CAPZA1: variants seen among roughly 807,000 people sequenced by gnomAD.
The protein encoded by CAPZA1 is capping actin protein of muscle Z-line subunit alpha 1, also known as F-actin-capping protein subunit alpha-1.
In CAPZA1, 10 loss-of-function variants were observed where a neutral mutation model predicts 40.8. The ratio of observed to expected loss-of-function variants is 0.25; its 90% CI spans 0.15 to 0.42. The LOEUF is 0.42. Among genes scored for constraint, CAPZA1 ranks in the 10% least tolerant of loss-of-function variants. CAPZA1 has a pLI of 1.00. For synonymous variants in CAPZA1, 98 were observed against 115.0 expected (o/e 0.85, Z 0.95); for missense variants, 277 against 353.8 (o/e 0.78, Z 1.74).
At chr1:112,623,879 G>A (rs1393945248) in intron 1 of CAPZA1, among the ~76,000 whole-genome samples, 5 of 151,146 alleles carry the variant, frequency 3.3e-5, no homozygotes, top group South Asian at 2.1e-4. Flanking sequence ...GGTGGCAGGT[G>A]CCTGTAGTCC....
chr1:112,669,381 A>C lies in CAPZA1; in HGVS notation c.658-162A>C, dbSNP rs571160557. On this transcript the variant is annotated intron_variant, in intron 8 of 9. Transcript: ENST00000263168. ...TTATGATTATAACATAGTGTCTTCCATAGAGTTGTTGTGAGAATCAAAGGA... is the reference window on the plus strand; with the variant it reads ...TTATGATTATAACATAGTGTCTTCCCTAGAGTTGTTGTGAGAATCAAAGGA... 2.6e-5 allele frequency among the ~76,000 whole-genome samples: 4 copies of C among 152,324 alleles called. No individual in the cohort carries two copies. The East Asian group carries it at 7.7e-4, about 29-fold the overall frequency.
intron 1 of CAPZA1, among the ~76,000 whole-genome samples, chr1:112,640,517 G>T (rs1376953084): frequency 5.0e-5 from 7 of 140,962 alleles, no homozygotes; most frequent in Non-Finnish European, 9.3e-5. Flanking sequence ...TCCGGGAGGT[G>T]AGGGGCGCCT....
At chr1:112,644,453 A>T (rs1057086399) in intron 1 of CAPZA1, among the ~76,000 whole-genome samples, 3 of 152,116 alleles carry the variant, frequency 2.0e-5, no homozygotes, top group African/African-American at 7.2e-5. Flanking sequence ...AGCCTCCCAA[A>T]GTGCTGGGAT....
chr1:112,663,051 G>A (rs374582847), intron 7 of CAPZA1, among the ~76,000 whole-genome samples: 70 of 151,998 alleles, frequency 4.6e-4, no homozygotes, highest in Non-Finnish European at 7.5e-4. Flanking sequence ...TGCAACGTCC[G>A]CCTCCTGGGT....
At chr1:112,646,642 T>G (rs1181316376) in intron 1 of CAPZA1, 2 of 152,202 alleles carry the variant, frequency 1.3e-5, no homozygotes, top group Non-Finnish European at 2.9e-5. Flanking sequence ...TTGTAGAATT[T>G]TGGTAGGTAG....
At chr1:112,619,969 C>A in intron 1 of CAPZA1, 86 bp downstream of exon 1, 1 of 1,122,636 alleles carries the variant, frequency 8.9e-7, no homozygotes, top group Non-Finnish European at 1.3e-6. Flanking sequence ...TAGCAGTGTC[C>A]CCAGGAAAAA....
At chr1:112,622,108 G>A (rs1570696236) in intron 1 of CAPZA1, among the ~76,000 whole-genome samples, 1 of 151,430 alleles carries the variant, frequency 6.6e-6, no homozygotes, top group East Asian at 1.9e-4. Context: ...TCCTCTTCTA[G>A]CATACTTTTT....
intron 1 of CAPZA1, among the ~76,000 whole-genome samples, chr1:112,624,996 G>T (rs900097399): frequency 5.9e-5 from 9 of 152,140 alleles, no homozygotes; most frequent in African/African-American, 1.9e-4. Context: ...AGCACACAGT[G>T]TATGCACAGC....
chr1:112,671,087 A>G lies in CAPZA1; in HGVS notation c.*955A>G, dbSNP rs752157321. 2.6e-5 allele frequency: 4 copies of G among 152,676 alleles called. No individual in the cohort carries two copies. Among genetic ancestry groups the G allele is most frequent in the Non-Finnish European group, 5.9e-5 (4 of 68,036 alleles). 9.5% of individuals were successfully genotyped at this position (152,676 alleles called of 1,614,324 possible). A position where few individuals can be genotyped will look rare whatever the true frequency, so the allele number is the denominator to read the frequency against. ...CAAAGTGAAAGGATAACTTCCAGGCAGTATCTTTCTATTGTAACCTGTTAT... is the reference window on the plus strand; with the variant it reads ...CAAAGTGAAAGGATAACTTCCAGGCGGTATCTTTCTATTGTAACCTGTTAT... On this transcript the variant is annotated 3_prime_UTR_variant, in exon 10 of 10. Transcript: ENST00000263168.
Position 112,663,882 on chromosome 1 carries a change from G to T in CAPZA1, c.586-3192G>T, listed in dbSNP as rs144736792. Among the ~76,000 whole-genome samples, 1,094 of 152,220 alleles carry T rather than the reference G, an allele frequency of 7.2e-3. 12 individuals are homozygous for T. Among genetic ancestry groups the T allele is most frequent in the African/African-American group, 0.025 (1,041 of 41,526 alleles). ...GGTAAAATTTCAGGGTTTAGAGAGGGTATGGAAAGTCTAGCTTCTCATGCC... is the reference window on the plus strand; with the variant it reads ...GGTAAAATTTCAGGGTTTAGAGAGGTTATGGAAAGTCTAGCTTCTCATGCC... On this transcript the variant is annotated intron_variant, in intron 7 of 9. Transcript: ENST00000263168.
intron 7 of CAPZA1, among the ~76,000 whole-genome samples, chr1:112,661,342 G>A (rs896998402): frequency 6.6e-5 from 10 of 152,132 alleles, no homozygotes; most frequent in Admixed American, 2.6e-4. Context: ...GCTTCCTCAA[G>A]TAGGACAACT....
chr1:112,623,916 G>T (rs536135461), intron 1 of CAPZA1, among the ~76,000 whole-genome samples: 4 of 142,792 alleles, frequency 2.8e-5, no homozygotes, highest in Middle Eastern at 7.9e-3. Flanking sequence ...TGAGGCAGGA[G>T]AATGGTGTGA....
chr1:112,641,167 C>T (rs942984433), intron 1 of CAPZA1, among the ~76,000 whole-genome samples: 27 of 151,640 alleles, frequency 1.8e-4, no homozygotes, highest in African/African-American at 5.8e-4. Context: ...CCACTATTGT[C>T]CTATGACCCT....
chr1:112,629,709 A>G (rs997747324), intron 1 of CAPZA1, among the ~76,000 whole-genome samples: 1 of 152,222 alleles, frequency 6.6e-6, no homozygotes, highest in Non-Finnish European at 1.5e-5. Context: ...TGACATACGG[A>G]ATGAAACCAG....
intron 1 of CAPZA1, chr1:112,620,117 A>T (rs1670570348): frequency 4.4e-6 from 2 of 453,318 alleles, no homozygotes; most frequent in Non-Finnish European, 4.0e-6. Flanking sequence ...GGCACAGCCC[A>T]GGGGCCTCCC....
intron 5 of CAPZA1, among the ~76,000 whole-genome samples, chr1:112,656,835 C>T (rs1346326502): frequency 1.3e-5 from 2 of 151,980 alleles, no homozygotes; most frequent in Admixed American, 1.3e-4. Context: ...ATGTTCCAAA[C>T]ATTTTTCATT....
chr1:112,640,234 AG>A (rs1671121165), intron 1 of CAPZA1, among the ~76,000 whole-genome samples: 1 of 108,172 alleles, frequency 9.2e-6, no homozygotes, highest in African/African-American at 3.6e-5. Flanking sequence ...CCGGGAGGTG[AG>A]GGGCGCCTCT....
intron 7 of CAPZA1, among the ~76,000 whole-genome samples, chr1:112,665,286 C>T (rs1019749722): frequency 6.6e-6 from 1 of 150,452 alleles, no homozygotes; most frequent in Non-Finnish European, 1.5e-5. Context: ...AAGCAATTCT[C>T]CTGCCTCAGC....
chr1:112,652,687 C>T (rs2101170567), intron 3 of CAPZA1, among the ~76,000 whole-genome samples: 1 of 150,392 alleles, frequency 6.6e-6, no homozygotes, highest in East Asian at 1.9e-4. Context: ...ACCTGTCTGA[C>T]ATGGGGAAAA....
Sources: gnomAD v4.1 joint callset for allele counts (sites outside exome capture counted in the v4.1 genomes callset) on GRCh38, gnomAD v4.1.1 for gene constraint, MANE v1.5 for transcripts, NCBI Gene and HGNC (gene_info 2026-07-23, HGNC 2026-07-21) for gene names.